TRDN: variants seen among roughly 807,000 people sequenced by gnomAD.
The protein encoded by TRDN is triadin in skeletal muscle.
Under a neutral mutation model 149.7 loss-of-function variants are expected in TRDN, and 161 were observed. The observed-to-expected ratio is 1.08, with a 90% CI of 0.95 to 1.23. The LOEUF is 1.23. Ranked by LOEUF, TRDN falls within the 50% of genes most tolerant of loss-of-function variation. TRDN has a pLI of 0.00. For synonymous variants in TRDN, 294 were observed against 250.5 expected (o/e 1.17, Z -1.64); for missense variants, 896 against 823.5 (o/e 1.09, Z -1.08).
intron 1 of TRDN, among the ~76,000 whole-genome samples, chr6:123,618,753 G>A (rs1785231055): frequency 6.6e-6 from 1 of 152,038 alleles, no homozygotes. Context: ...TTTAAAAAAT[G>A]CCCATTCACA....
chr6:123,620,561 G>A (rs543570028), intron 1 of TRDN, among the ~76,000 whole-genome samples: 90 of 151,972 alleles, frequency 5.9e-4, no homozygotes, highest in Middle Eastern at 3.4e-3. Context: ...TTCGTTTTTG[G>A]AGGTAATACA....
chr6:123,628,491 C>T (rs569232781), intron 1 of TRDN, among the ~76,000 whole-genome samples: 22 of 151,936 alleles, frequency 1.4e-4, no homozygotes, highest in East Asian at 1.2e-3. Flanking sequence ...AACAGACATA[C>T]CAATAACGAA....
At chr6:123,378,219 A>T (rs895618656) in intron 16 of TRDN, among the ~76,000 whole-genome samples, 2 of 152,202 alleles carry the variant, frequency 1.3e-5, no homozygotes, top group African/African-American at 4.8e-5. Context: ...TATTAGATCA[A>T]TATGAAATAA....
chr6:123,228,425 G>A (rs1775469642), intron 38 of TRDN, among the ~76,000 whole-genome samples: 1 of 151,896 alleles, frequency 6.6e-6, no homozygotes. Flanking sequence ...GGCTGAAGAG[G>A]CCTCAGGAAA....
chr6:123,439,138 C>A, intron 10 of TRDN, 135 bp from the exon 11 acceptor site: 1 of 633,890 alleles, frequency 1.6e-6, no homozygotes, highest in East Asian at 2.8e-5. Context: ...TTTAATCCCA[C>A]TAAGTCTTAT....
chr6:123,341,766 AC>A (rs1228711015), intron 21 of TRDN, among the ~76,000 whole-genome samples: 1 of 151,986 alleles, frequency 6.6e-6, no homozygotes, highest in Non-Finnish European at 1.5e-5. Context: ...ATACTATATA[AC>A]ACTTTGTAAA....
chr6:123,264,441 GA>G (rs1417064856), intron 33 of TRDN, among the ~76,000 whole-genome samples: 1 of 152,098 alleles, frequency 6.6e-6, no homozygotes, highest in Non-Finnish European at 1.5e-5. Flanking sequence ...TTGAACAGAC[GA>G]GGAGTTATTT....
chr6:123,277,748 T>G (rs938977960), intron 26 of TRDN, among the ~76,000 whole-genome samples: 1 of 152,194 alleles, frequency 6.6e-6, no homozygotes, highest in Non-Finnish European at 1.5e-5. Flanking sequence ...ATTTTGGACA[T>G]CTACTCTCCA....
chr6:123,506,028 G>C (rs1393895030), intron 7 of TRDN, among the ~76,000 whole-genome samples: 1 of 152,054 alleles, frequency 6.6e-6, no homozygotes, highest in Non-Finnish European at 1.5e-5. Flanking sequence ...ATATGTTTCT[G>C]TGACTGAAAC....
At chr6:123,594,722 A>T (rs542022592) in intron 1 of TRDN, among the ~76,000 whole-genome samples, 45 of 150,462 alleles carry the variant, frequency 3.0e-4, no homozygotes, top group Middle Eastern at 3.4e-3. Flanking sequence ...AGGATTAATA[A>T]ACAACTGAAA....
chr6:123,516,944 CT>C (rs1277526866), intron 5 of TRDN, among the ~76,000 whole-genome samples: 2 of 152,012 alleles, frequency 1.3e-5, no homozygotes, highest in African/African-American at 2.4e-5. Flanking sequence ...TCCTCATTTT[CT>C]TTTATCCAAT....
At chr6:123,622,318 G>GACACAC (rs67160946) in intron 1 of TRDN, among the ~76,000 whole-genome samples, 33 of 123,716 alleles carry the variant, frequency 2.7e-4, no homozygotes, top group African/African-American at 8.9e-4. Context: ...TATATATACA[G>GACACAC]ACACACACAC....
chr6:123,454,863 C>A (rs991750177), intron 10 of TRDN, among the ~76,000 whole-genome samples: 11 of 152,260 alleles, frequency 7.2e-5, no homozygotes, highest in African/African-American at 2.2e-4. Flanking sequence ...CACCCCTGTC[C>A]CCGGGAAAAT....
chr6:123,604,510 G>A (rs1784432830), intron 1 of TRDN, among the ~76,000 whole-genome samples: 1 of 152,154 alleles, frequency 6.6e-6, no homozygotes, highest in Non-Finnish European at 1.5e-5. Flanking sequence ...ATTACAGAAG[G>A]ATCTTAATCA....
At chr6:123,400,167 G>GTGTATATATATA (rs1554232309) in intron 12 of TRDN, among the ~76,000 whole-genome samples, 48 of 123,380 alleles carry the variant, frequency 3.9e-4, no homozygotes, top group African/African-American at 1.3e-3. Context: ...ATATGTATGT[G>GTGTATATATATA]TATATATATA....
intron 31 of TRDN, 50 bp from the exon 32 acceptor site, chr6:123,267,801 A>G (rs1323307040): frequency 2.8e-6 from 4 of 1,433,106 alleles, no homozygotes; most frequent in Non-Finnish European, 3.8e-6. Context: ...TCTTTGGCAA[A>G]TATTTCTTAT....
chr6:123,428,936 T>C (rs1377005437), intron 12 of TRDN, among the ~76,000 whole-genome samples: 2 of 152,206 alleles, frequency 1.3e-5, no homozygotes, highest in African/African-American at 4.8e-5. Flanking sequence ...GATTATTAAA[T>C]ATTTTTTGAG....
intron 12 of TRDN, among the ~76,000 whole-genome samples, chr6:123,401,590 A>G (rs1772975251): frequency 6.6e-6 from 1 of 152,196 alleles, no homozygotes; most frequent in Non-Finnish European, 1.5e-5. Context: ...AATGCTAAAT[A>G]AAGTGTATGG....
intron 10 of TRDN, among the ~76,000 whole-genome samples, chr6:123,463,368 T>A (rs1776590130): frequency 2.0e-5 from 3 of 149,726 alleles, no homozygotes; most frequent in Non-Finnish European, 4.5e-5. Context: ...AATAAATAAA[T>A]AAATAAATAA....
Sources: allele counts gnomAD v4.1 joint callset (sites outside exome capture counted in the v4.1 genomes callset), GRCh38; gene constraint gnomAD v4.1.1; transcripts MANE v1.5; gene names NCBI Gene and HGNC (gene_info 2026-07-23, HGNC 2026-07-21).